The following DNAJC13 variants were observed in gnomAD, a reference collection of about 807,000 sequenced individuals.
DNAJC13 encodes DnaJ heat shock protein family (Hsp40) member C13, also known as dnaJ homolog subfamily C member 13.
DNAJC13 carries 75 observed loss-of-function variants against 290.5 expected under a neutral mutation model. That is an observed-to-expected ratio of 0.26 (90% CI 0.21 to 0.31). The LOEUF (loss-of-function observed/expected upper bound fraction) is 0.31, where lower values mean the gene tolerates loss of function less well. Among genes scored for constraint, DNAJC13 ranks in the 10% least tolerant of loss-of-function variants. DNAJC13 has a pLI of 1.00. For synonymous variants in DNAJC13, 862 were observed against 892.0 expected (o/e 0.97, Z 0.60); for missense variants, 2,260 against 2,674.5 (o/e 0.85, Z 3.42).
rs1936680073 is a variant in DNAJC13, at chr3:132,538,889, T to C, written c.*607T>C. The C allele has an allele frequency of 6.6e-6, 1 of 152,642 alleles. No homozygotes were observed. Among genetic ancestry groups the C allele is most frequent in the Non-Finnish European group, 1.5e-5 (1 of 68,076 alleles). The allele number at this position is 152,642 out of a possible 1,614,324, so 9.5% of individuals were successfully genotyped here. A position where few individuals can be genotyped will look rare whatever the true frequency, so the allele number is the denominator to read the frequency against. On this transcript the variant is annotated 3_prime_UTR_variant, in exon 56 of 56. Coordinates refer to ENST00000260818, the MANE Select transcript of DNAJC13 (RefSeq NM_015268.4). ...TTTAAAAATGGATGTCAAGATGTTA[T>C]GTAAAAGATGAGTGTAATTGTGAAA...
chr3:132,425,754 AT>A (rs958778287), intron 1 of DNAJC13, among the ~76,000 whole-genome samples: 3 of 151,430 alleles, frequency 2.0e-5, no homozygotes, highest in Non-Finnish European at 4.4e-5. Flanking sequence ...TCACTAGTGT[AT>A]TTTTTTCTAA....
intron 17 of DNAJC13, among the ~76,000 whole-genome samples, chr3:132,465,309 A>G (rs576060810): frequency 6.6e-6 from 1 of 152,250 alleles, no homozygotes; most frequent in East Asian, 1.9e-4. Flanking sequence ...TCCCCACCAA[A>G]GCACAGAAGG....
chr3:132,443,998 A>C (rs1933162236), intron 2 of DNAJC13, among the ~76,000 whole-genome samples: 1 of 152,186 alleles, frequency 6.6e-6, no homozygotes, highest in Non-Finnish European at 1.5e-5. Flanking sequence ...CAATAGGTAC[A>C]CTTTGCTCAT....
chr3:132,427,138 T>A (rs866279183), intron 1 of DNAJC13, among the ~76,000 whole-genome samples: 61 of 147,292 alleles, frequency 4.1e-4, no homozygotes, highest in Middle Eastern at 3.4e-3. Context: ...TATATATTTT[T>A]TTTTTTTTTT....
At chr3:132,431,789 A>T (rs1939246060) in intron 1 of DNAJC13, among the ~76,000 whole-genome samples, 1 of 152,204 alleles carries the variant, frequency 6.6e-6, no homozygotes, top group African/African-American at 2.4e-5. Flanking sequence ...ATATACCAGA[A>T]TATTACTTGG....
intron 33 of DNAJC13, among the ~76,000 whole-genome samples, chr3:132,493,943 A>G (rs2107711189): frequency 6.6e-6 from 1 of 152,250 alleles, no homozygotes; most frequent in Non-Finnish European, 1.5e-5. Flanking sequence ...ATAGAGGAAT[A>G]TTGCCTTGTA....
intron 44 of DNAJC13, among the ~76,000 whole-genome samples, chr3:132,511,832 A>C (rs1935787219): frequency 6.6e-6 from 1 of 152,154 alleles, no homozygotes; most frequent in Non-Finnish European, 1.5e-5. Context: ...ATAGAACATA[A>C]ACCTAAAATG....
intron 9 of DNAJC13, among the ~76,000 whole-genome samples, chr3:132,455,986 A>G (rs1186896426): frequency 6.6e-6 from 1 of 152,212 alleles, no homozygotes; most frequent in East Asian, 1.9e-4. Flanking sequence ...AAAGCTGTTA[A>G]AAATAATTTT....
intron 42 of DNAJC13, among the ~76,000 whole-genome samples, chr3:132,505,676 AGTT>A (rs1374249962): frequency 1.3e-5 from 2 of 152,122 alleles, no homozygotes; most frequent in African/African-American, 4.8e-5. Flanking sequence ...ACCTTATTTT[AGTT>A]GTTCACTTCA....
intron 9 of DNAJC13, among the ~76,000 whole-genome samples, chr3:132,455,169 A>G (rs1037299839): frequency 2.6e-5 from 4 of 152,194 alleles, no homozygotes; most frequent in Non-Finnish European, 5.9e-5. Flanking sequence ...TTACAACTCA[A>G]TACTGAAAAA....
intron 2 of DNAJC13, among the ~76,000 whole-genome samples, chr3:132,442,978 C>T (rs1381745184): frequency 6.6e-6 from 1 of 152,096 alleles, no homozygotes; most frequent in Non-Finnish European, 1.5e-5. Flanking sequence ...TGTATGTTGA[C>T]ATATTTTTGG....
At chr3:132,534,643 C>T (rs1380829118) in intron 55 of DNAJC13, among the ~76,000 whole-genome samples, 1 of 147,734 alleles carries the variant, frequency 6.8e-6, no homozygotes. Context: ...AAGACCTTGT[C>T]TCAAAAAAAA....
chr3:132,522,252 C>T (rs115045754), intron 48 of DNAJC13, among the ~76,000 whole-genome samples: 2,163 of 152,230 alleles, frequency 0.014, 60 homozygotes, highest in African/African-American at 0.05. Context: ...TTTCCCTTTG[C>T]CCCATGCCTC....
chr3:132,525,071 T>G (rs1576521310), intron 51 of DNAJC13, among the ~76,000 whole-genome samples: 1 of 152,212 alleles, frequency 6.6e-6, no homozygotes, highest in Non-Finnish European at 1.5e-5. Flanking sequence ...CTGGGCGCGG[T>G]GGCTCACGCC....
intron 9 of DNAJC13, 85 bp downstream of exon 9, chr3:132,454,242 C>A: frequency 1.2e-6 from 1 of 857,766 alleles, no homozygotes. Flanking sequence ...GATATGTAGT[C>A]TAGAAATTTA....
At chr3:132,451,162 C>G (rs1205701884) in intron 6 of DNAJC13, among the ~76,000 whole-genome samples, 3 of 152,030 alleles carry the variant, frequency 2.0e-5, no homozygotes, top group Non-Finnish European at 4.4e-5. Flanking sequence ...TCTAAGCTTT[C>G]TTTGAAAAAG....
chr3:132,493,469 A>C (rs971292238), intron 33 of DNAJC13, among the ~76,000 whole-genome samples: 1 of 152,018 alleles, frequency 6.6e-6, no homozygotes, highest in African/African-American at 2.4e-5. Flanking sequence ...GTTTTAATCC[A>C]GCTCTACCAC....
chr3:132,495,086 A>G lies in DNAJC13; in HGVS notation c.3942-2A>G. 6.2e-7 allele frequency: 1 copy of G among 1,610,954 alleles called. No homozygotes were observed. The highest frequency in any genetic ancestry group is 8.5e-7 in the Non-Finnish European group (1 of 1,178,014). Reference sequence around the variant, plus strand: ...TCATAAAACAATTTTCCTGTTTAACAGGCATGATGAGAGCAAGATTAGGAA... The same window carrying G: ...TCATAAAACAATTTTCCTGTTTAACGGGCATGATGAGAGCAAGATTAGGAA... On this transcript the variant is annotated splice_acceptor_variant, in intron 34 of 55. Coordinates refer to ENST00000260818, the MANE Select transcript of DNAJC13 (RefSeq NM_015268.4). LOFTEE classifies it high-confidence loss of function.
At chr3:132,448,979 T>TA (rs1416693405) in intron 5 of DNAJC13, among the ~76,000 whole-genome samples, 1 of 152,150 alleles carries the variant, frequency 6.6e-6, no homozygotes, top group Non-Finnish European at 1.5e-5. Flanking sequence ...AAAGCATACT[T>TA]AGAATTTTTA....
Sources: allele counts gnomAD v4.1 joint callset (sites outside exome capture counted in the v4.1 genomes callset), GRCh38; gene constraint gnomAD v4.1.1; transcripts MANE v1.5; gene names NCBI Gene and HGNC (gene_info 2026-07-23, HGNC 2026-07-21).